Variants in CYP39A1 observed in about 807,000 individuals in gnomAD.
CYP39A1 encodes cytochrome P450 family 39 subfamily A member 1.
A neutral mutation model predicts 58.1 loss-of-function variants in CYP39A1; 49 were observed. That is an observed-to-expected ratio of 0.84 (90% confidence interval 0.67 to 1.07). CYP39A1 has a LOEUF of 1.07. CYP39A1 is among the 50% of genes least tolerant of loss of function. CYP39A1 has a pLI of 0.00. For missense variants in CYP39A1, 531 were observed against 539.4 expected (o/e 0.98, Z 0.16); for synonymous variants, 209 against 187.6 (o/e 1.11, Z -0.93).
At chr6:46,561,671 A>G (rs1353641019) in intron 10 of CYP39A1, among the ~76,000 whole-genome samples, 2 of 152,088 alleles carry the variant, frequency 1.3e-5, no homozygotes, top group East Asian at 1.9e-4. Context: ...TGATTGAACA[A>G]TTATATCTAG....
chr6:46,630,803 A>G (rs1775611727), intron 6 of CYP39A1, among the ~76,000 whole-genome samples, 160 bp downstream of exon 6: 1 of 152,190 alleles, frequency 6.6e-6, no homozygotes, highest in African/African-American at 2.4e-5. Flanking sequence ...TTCATTAGGC[A>G]TTCAGTTTTG....
intron 6 of CYP39A1, among the ~76,000 whole-genome samples, 174 bp from the exon 7 acceptor site, chr6:46,625,682 T>C (rs1188721995): frequency 2.0e-5 from 3 of 152,062 alleles, no homozygotes; most frequent in African/African-American, 4.8e-5. Flanking sequence ...ATAAGAGATA[T>C]GTAATATATC....
At chr6:46,590,492 C>G (rs1227769055) in intron 8 of CYP39A1, among the ~76,000 whole-genome samples, 1 of 152,116 alleles carries the variant, frequency 6.6e-6, no homozygotes, top group Non-Finnish European at 1.5e-5. Context: ...CTAAAGCACA[C>G]AGCCTTTTCT....
At chr6:46,588,276 T>C (rs1772599028) in intron 8 of CYP39A1, 147 bp from the exon 9 acceptor site, 1 of 256,570 alleles carries the variant, frequency 3.9e-6, no homozygotes, top group African/African-American at 2.3e-5. Context: ...TTAATATCTA[T>C]ATAATTATAT....
chr6:46,556,393 A>G (rs1770665605), intron 10 of CYP39A1, among the ~76,000 whole-genome samples: 1 of 152,212 alleles, frequency 6.6e-6, no homozygotes, highest in African/African-American at 2.4e-5. Context: ...AAGGAGTTTC[A>G]CAGAAAGAGA....
At chr6:46,612,022 G>T (rs935526632) in intron 7 of CYP39A1, among the ~76,000 whole-genome samples, 3 of 152,172 alleles carry the variant, frequency 2.0e-5, no homozygotes, top group Admixed American at 6.5e-5. Flanking sequence ...CAACAGTGCT[G>T]CCCCAGAATA....
intron 10 of CYP39A1, among the ~76,000 whole-genome samples, chr6:46,567,214 A>G (rs1174848166): frequency 6.6e-6 from 1 of 152,156 alleles, no homozygotes; most frequent in African/African-American, 2.4e-5. Context: ...TTACACATAT[A>G]GATGACTTTA....
chr6:46,575,237 T>C (rs1039080662), intron 10 of CYP39A1, among the ~76,000 whole-genome samples: 2 of 152,122 alleles, frequency 1.3e-5, no homozygotes, highest in Admixed American at 6.6e-5. Flanking sequence ...GCCCAGAGGG[T>C]TTGACATGGG....
At chr6:46,587,724 T>G (rs1772557504) in intron 9 of CYP39A1, among the ~76,000 whole-genome samples, 1 of 152,150 alleles carries the variant, frequency 6.6e-6, no homozygotes. Flanking sequence ...ACAGAAGCAA[T>G]TGCCTGAAGA....
chr6:46,618,275 C>A (rs1487365715), intron 7 of CYP39A1, among the ~76,000 whole-genome samples: 2 of 152,072 alleles, frequency 1.3e-5, no homozygotes, highest in African/African-American at 2.4e-5. Context: ...GCTTAAAGAA[C>A]TTGATAACTT....
intron 5 of CYP39A1, among the ~76,000 whole-genome samples, chr6:46,632,360 T>C (rs1775714078): frequency 6.6e-6 from 1 of 152,188 alleles, no homozygotes; most frequent in African/African-American, 2.4e-5. Context: ...ATGGTCTTTG[T>C]GCAGGTTTGT....
intron 7 of CYP39A1, among the ~76,000 whole-genome samples, chr6:46,608,680 T>A (rs1182256040): frequency 1.3e-5 from 2 of 152,082 alleles, no homozygotes; most frequent in East Asian, 1.9e-4. Flanking sequence ...AGTGGCACAA[T>A]CTCGGCTGAT....
intron 7 of CYP39A1, among the ~76,000 whole-genome samples, chr6:46,617,412 G>C (rs1419417129): frequency 6.6e-6 from 1 of 152,012 alleles, no homozygotes; most frequent in Non-Finnish European, 1.5e-5. Flanking sequence ...ATGCAAAAGT[G>C]GGTCAAACCT....
intron 7 of CYP39A1, among the ~76,000 whole-genome samples, chr6:46,604,945 G>A (rs1773746298): frequency 6.6e-6 from 1 of 151,690 alleles, no homozygotes; most frequent in Non-Finnish European, 1.5e-5. Flanking sequence ...CACATTGGAG[G>A]AGAAAGAATT....
At chr6:46,583,478 A>G (rs1772269876) in intron 10 of CYP39A1, 2 of 985,316 alleles carry the variant, frequency 2.0e-6, no homozygotes, top group Non-Finnish European at 1.2e-6. Flanking sequence ...TTTAAATCGT[A>G]TAGTTTAATG....
chr6:46,629,111 G>A lies in CYP39A1; in HGVS notation c.840+1852C>T, dbSNP rs373292841. Among the ~76,000 whole-genome samples, 84 of 152,268 alleles carry A rather than the reference G, an allele frequency of 5.5e-4. No individual in the cohort carries two copies. In the South Asian group the frequency reaches 0.015, roughly 28 times the overall value. On this transcript the variant is annotated intron_variant, in intron 6 of 11. Transcript: ENST00000275016. ...ACTCTAAAGCCTCTCCAGGATCTCT[G>A]CCTGCTCACCAGGCTGCCTCTTGGA...
chr6:46,556,499 GA>G (rs896084374), intron 10 of CYP39A1, among the ~76,000 whole-genome samples: 2 of 152,080 alleles, frequency 1.3e-5, no homozygotes, highest in African/African-American at 4.8e-5. Flanking sequence ...TACTGAGACG[GA>G]AAAAGAACCA....
In CYP39A1 at chr6:46,625,708, T is replaced by C. The variant is rs1775273975; in HGVS notation, c.841-200A>G. Among the ~76,000 whole-genome samples the C allele has an allele frequency of 2.6e-5, 4 of 152,114 alleles. No individual in the cohort carries two copies. In the South Asian group the frequency reaches 8.3e-4, roughly 32 times the overall value. ...GTAATATATCTCCAAGAAGCCAGAT[T>C]TAAATTTTTATTTTGTCACTATAAT... is the stretch of plus-strand genomic sequence containing the variant. On this transcript the variant is annotated intron_variant, in intron 6 of 11. Coordinates refer to ENST00000275016, the MANE Select transcript of CYP39A1 (RefSeq NM_016593.5).
In CYP39A1 at chr6:46,596,049, T is replaced by C; in HGVS notation, c.1003A>G (p.Thr335Ala). ...LLLIKWCVLETIRLKAPGVIT... is the reference protein window; with the variant it reads ...LLLIKWCVLEAIRLKAPGVIT... Reference sequence around the variant, plus strand: ...ACACCAGGAGCTTTTAAACGAATGGTTTCCAAAACACACCATTTAATTAGA... The same window carrying C: ...ACACCAGGAGCTTTTAAACGAATGGCTTCCAAAACACACCATTTAATTAGA... The change falls in exon 8 of 12, where the codon ACC (threonine) becomes GCC (alanine). Residue 335 changes from threonine to alanine, a missense_variant. Thr to Ala is a moderately conservative substitution (Grantham distance 58, BLOSUM62 0). Transcript: ENST00000275016. 1 of 1,611,952 alleles carries C rather than the reference T, an allele frequency of 6.2e-7. No homozygotes were observed. The highest frequency in any genetic ancestry group is 1.1e-5 in the South Asian group (1 of 90,760).
Sources: gnomAD v4.1 joint callset for allele counts (sites outside exome capture counted in the v4.1 genomes callset) on GRCh38, gnomAD v4.1.1 for gene constraint, MANE v1.5 for transcripts, NCBI Gene and HGNC (gene_info 2026-07-23, HGNC 2026-07-21) for gene names.